The following CERT1 variants were observed in gnomAD, a reference collection of about 807,000 sequenced individuals.
The protein encoded by CERT1 is ceramide transfer protein.
A neutral mutation model predicts 87.9 loss-of-function variants in CERT1; 31 were observed. The ratio of observed to expected loss-of-function variants is 0.35; its 90% CI spans 0.27 to 0.48. CERT1 has a LOEUF of 0.48. CERT1 is among the 20% of genes least tolerant of loss of function. The probability of loss-of-function intolerance (pLI) is 0.99; values close to 1 mark genes in which losing one functional copy is unlikely to be tolerated. For missense variants in CERT1, 487 were observed against 758.0 expected (o/e 0.64, Z 4.20); for synonymous variants, 289 against 250.9 (o/e 1.15, Z -1.44).
At chr5:75,510,848 C>T (rs1561316007) in intron 1 of CERT1, among the ~76,000 whole-genome samples, 1 of 152,170 alleles carries the variant, frequency 6.6e-6, no homozygotes, top group Non-Finnish European at 1.5e-5. Flanking sequence ...CCCTAAGTCC[C>T]AAGTCACGGC....
rs1761418167 is a variant in CERT1 at position 75,378,531 on chromosome 5, G to C, written c.*815C>G. The stretch of plus-strand genomic sequence containing the variant: ...CAACTCAGACATTAACATGGGACTA[G>C]TTAATAAATTCTGCAACATGCATGT... On this transcript the variant is annotated 3_prime_UTR_variant, in exon 17 of 17. Coordinates refer to ENST00000643780, the MANE Select transcript of CERT1 (RefSeq NM_001379029.1). 6.6e-6 allele frequency: 1 copy of C among 152,150 alleles called. No homozygotes were observed. The highest frequency in any genetic ancestry group is 2.4e-5 in the African/African-American group (1 of 41,436). 9.4% of individuals were successfully genotyped at this position (152,150 alleles called of 1,614,324 possible). A position where few individuals can be genotyped will look rare whatever the true frequency, so the allele number is the denominator to read the frequency against.
intron 4 of CERT1, 36 bp from the exon 5 acceptor site, chr5:75,425,535 A>G: frequency 6.2e-7 from 1 of 1,604,498 alleles, no homozygotes; most frequent in Non-Finnish European, 8.5e-7. Flanking sequence ...TAATTCAAGT[A>G]AAACAAAACT....
At chr5:75,457,457 T>C (rs73764904) in intron 3 of CERT1, among the ~76,000 whole-genome samples, 12,039 of 152,248 alleles carry the variant, frequency 0.079, 573 homozygotes, top group South Asian at 0.17. Flanking sequence ...ATTTTTTGAA[T>C]AGTAGCTCAT....
intron 3 of CERT1, among the ~76,000 whole-genome samples, chr5:75,436,104 C>T (rs1368357828): frequency 6.6e-6 from 1 of 152,130 alleles, no homozygotes; most frequent in Non-Finnish European, 1.5e-5. Flanking sequence ...GCGATCTTGG[C>T]GCACTGCAAG....
At chr5:75,438,916 C>G (rs1464997097) in intron 3 of CERT1, among the ~76,000 whole-genome samples, 2 of 149,644 alleles carry the variant, frequency 1.3e-5, no homozygotes. Flanking sequence ...TATATTAGGA[C>G]ATATCTTTTT....
At chr5:75,511,787 G>C, upstream of CERT1, 1 of 1,551,582 alleles carries the variant, frequency 6.4e-7, no homozygotes, top group South Asian at 1.2e-5. Flanking sequence ...ACGACGGGTA[G>C]AAAAGCAGGA....
chr5:75,481,304 T>C (rs921412930), intron 2 of CERT1, among the ~76,000 whole-genome samples: 2 of 152,142 alleles, frequency 1.3e-5, no homozygotes, highest in African/African-American at 4.8e-5. Flanking sequence ...ATTTCACTCA[T>C]TATAAAAACT....
chr5:75,485,310 T>TAAAAAAAAAAAAAA (rs1766459271), intron 2 of CERT1, among the ~76,000 whole-genome samples: 1 of 24,328 alleles, frequency 4.1e-5, no homozygotes, highest in African/African-American at 1.7e-4. Context: ...TACACAAAAA[T>TAAAAAAAAAAAAAA]ACAAAAAAAA....
At chr5:75,373,027 C>T (rs934315025), downstream of CERT1, 1 of 152,160 alleles carries the variant, frequency 6.6e-6, no homozygotes, top group African/African-American at 2.4e-5. Context: ...AGGACTTAAA[C>T]TGAAAAAGGT....
intron 13 of CERT1, 88 bp downstream of exon 13, chr5:75,385,814 A>G (rs1761763098): frequency 9.8e-7 from 1 of 1,022,942 alleles, no homozygotes; most frequent in Admixed American, 3.9e-5. Context: ...TTGACTTTGT[A>G]AACTATGTAG....
At chr5:75,390,941 C>T (rs1183105038) in intron 11 of CERT1, among the ~76,000 whole-genome samples, 1 of 151,678 alleles carries the variant, frequency 6.6e-6, no homozygotes, top group Non-Finnish European at 1.5e-5. Context: ...GTAGCTAAAA[C>T]TATATGCCTG....
chr5:75,432,112 C>A (rs1333243921), intron 3 of CERT1, among the ~76,000 whole-genome samples: 1 of 147,218 alleles, frequency 6.8e-6, no homozygotes, highest in African/African-American at 2.5e-5. Flanking sequence ...AATGCAGTGG[C>A]GCGATCTCAA....
intron 2 of CERT1, among the ~76,000 whole-genome samples, chr5:75,499,930 T>C (rs1449944083): frequency 2.0e-5 from 3 of 152,212 alleles, no homozygotes; most frequent in Non-Finnish European, 4.4e-5. Flanking sequence ...GAATGTTACC[T>C]TGTTTGAAAA....
At chr5:75,483,392 C>T (rs1766347289) in intron 2 of CERT1, among the ~76,000 whole-genome samples, 1 of 151,864 alleles carries the variant, frequency 6.6e-6, no homozygotes, top group Non-Finnish European at 1.5e-5. Context: ...ACAAAATACC[C>T]CCAAAAGGGC....
rs147828676 is a variant in CERT1 at position 75,419,386 on chromosome 5, A to G, written c.634T>C (p.Ser212Pro). 2.3e-5 allele frequency: 37 copies of G among 1,613,056 alleles called. No homozygotes were observed. In the African/African-American group the frequency reaches 4.5e-4, roughly 20 times the overall value. ...DDEDDFPTTR[S>P]DGDFLHSTNG... ...GTACTATGCAAGAAGTCACCATCAG[A>G]ACGCGTTGTAGGAAAGTCATCTTCA... The change falls in exon 6 of 17, where the codon TCT becomes CCT. Residue 212 changes from serine (S) to proline (P), a missense_variant. By Grantham distance (74) the Ser-to-Pro change is moderately conservative. This residue lies in a region of CERT1 where 173 missense variants were observed against 302.2 expected (regional missense o/e 0.57). Transcript: ENST00000643780.
chr5:75,455,173 A>G (rs1764928615), intron 3 of CERT1, among the ~76,000 whole-genome samples: 1 of 152,210 alleles, frequency 6.6e-6, no homozygotes. Flanking sequence ...CTTCTTCACA[A>G]TGTCTTGACT....
chr5:75,490,113 G>GT (rs1227508440), intron 2 of CERT1, among the ~76,000 whole-genome samples: 4 of 152,104 alleles, frequency 2.6e-5, no homozygotes, highest in Non-Finnish European at 5.9e-5. Flanking sequence ...ACCAAACACC[G>GT]TATGTTCTCA....
intron 2 of CERT1, among the ~76,000 whole-genome samples, chr5:75,498,438 C>CCCTG (rs1459539155): frequency 3.3e-5 from 5 of 152,270 alleles, no homozygotes; most frequent in African/African-American, 1.2e-4. Context: ...CTGGGCTGGG[C>CCCTG]CCAGGGCCTT....
chr5:75,394,832 T>G (rs1181169837), intron 11 of CERT1, among the ~76,000 whole-genome samples: 1 of 152,200 alleles, frequency 6.6e-6, no homozygotes, highest in African/African-American at 2.4e-5. Context: ...AATAATTAGA[T>G]AAGGGTGCAA....
Sources: allele counts gnomAD v4.1 joint callset (sites outside exome capture counted in the v4.1 genomes callset), GRCh38; gene constraint gnomAD v4.1.1; regional missense constraint gnomAD v4.1.1; transcripts MANE v1.5; gene names NCBI Gene and HGNC (gene_info 2026-07-23, HGNC 2026-07-21).